OPA1: variants seen among roughly 807,000 people sequenced by gnomAD.
OPA1 encodes the protein dynamin-like GTPase OPA1, mitochondrial.
In OPA1, 59 loss-of-function variants were observed where a neutral mutation model predicts 152.9. The observed-to-expected ratio is 0.39, with a 90% confidence interval of 0.31 to 0.48. The LOEUF is 0.48. Ranked by LOEUF, OPA1 falls within the 20% of genes least tolerant of loss-of-function variation. The probability of loss-of-function intolerance (pLI) is 0.96; values close to 1 mark genes in which losing one functional copy is unlikely to be tolerated. For missense variants in OPA1, 1,008 were observed against 1,216.8 expected, an observed-to-expected ratio of 0.83 and a Z score of 2.55; for synonymous variants, 400 against 389.9, an observed-to-expected ratio of 1.03 and a Z score of -0.31.
chr3:193,659,396 ATAGT>A, intron 24 of OPA1, 82 bp from the exon 25 acceptor site: 1 of 1,189,276 alleles, frequency 8.4e-7, no homozygotes, highest in Non-Finnish European at 1.2e-6. Flanking sequence ...GCACTTTGAA[ATAGT>A]TAAGAAAGCA....
intron 26 of OPA1, among the ~76,000 whole-genome samples, chr3:193,663,734 G>A (rs1250851673): frequency 1.3e-5 from 2 of 151,830 alleles, no homozygotes; most frequent in South Asian, 2.1e-4. Flanking sequence ...TGTACTTGAG[G>A]GATGAGTATA....
intron 29 of OPA1, among the ~76,000 whole-genome samples, chr3:193,683,723 C>G (rs572020221): frequency 6.6e-6 from 1 of 152,282 alleles, no homozygotes; most frequent in African/African-American, 2.4e-5. Flanking sequence ...CTCAGGTGAT[C>G]CTTAGCATTT....
chr3:193,678,521 C>A (rs965815627), intron 29 of OPA1, among the ~76,000 whole-genome samples: 2 of 152,138 alleles, frequency 1.3e-5, no homozygotes, highest in African/African-American at 4.8e-5. Context: ...GCTTCTTATA[C>A]CCACAGCTCG....
At chr3:193,673,472 A>T (rs1348841075) in intron 29 of OPA1, among the ~76,000 whole-genome samples, 1 of 152,238 alleles carries the variant, frequency 6.6e-6, no homozygotes, top group East Asian at 1.9e-4. Flanking sequence ...TATGAATTGT[A>T]AACATGTCTC....
rs76588359 is a variant in OPA1, at chr3:193,630,050, G to C, written c.790-1562G>C. 1.2e-3 allele frequency among the ~76,000 whole-genome samples: 179 copies of C among 152,206 alleles called. 4 individuals carry two copies. The East Asian group carries it at 0.027, about 23-fold the overall frequency. ...TTAAATCCACATAACAATTTTTTAT[G>C]ACCACACTATTACAGTGTGATGGCA... On this transcript the variant is annotated intron_variant, in intron 7 of 30. Coordinates refer to ENST00000361510, the MANE Select transcript of OPA1 (RefSeq NM_130837.3).
At chr3:193,682,534 T>G (rs1720318295) in intron 29 of OPA1, among the ~76,000 whole-genome samples, 1 of 152,140 alleles carries the variant, frequency 6.6e-6, no homozygotes, top group Non-Finnish European at 1.5e-5. Flanking sequence ...GCTTCGAGGC[T>G]TCGAAAGAGA....
chr3:193,647,072 A>C lies in OPA1; in HGVS notation c.1762A>C (p.Met588Leu). Residue 588 changes from methionine (M) to leucine (L), a missense_variant, in exon 19 of 31, where the codon ATG becomes CTG. Around this residue, in one of 7 missense-constraint regions of OPA1, gnomAD observed 213 missense variants for 291.4 expected, o/e 0.73. Coordinates refer to ENST00000361510, the MANE Select transcript of OPA1 (RefSeq NM_130837.3). Reference sequence around the variant, plus strand: ...GTTATTTTTTTTTAATAGGACAAGCATGCTAAAGGCACACCAAGTGACTAC... The same window carrying C: ...GTTATTTTTTTTTAATAGGACAAGCCTGCTAAAGGCACACCAAGTGACTAC... ...FQNSKLLKTS[M>L]LKAHQVTTRN... is the part of the protein sequence containing the mutation. 3.1e-6 allele frequency: 5 copies of C among 1,608,012 alleles called. No homozygotes were observed. The highest frequency in any genetic ancestry group is 3.4e-6 in the Non-Finnish European group (4 of 1,175,956).
At chr3:193,614,111 G>A (rs369820517) in intron 1 of OPA1, 73 of 369,602 alleles carry the variant, frequency 2.0e-4, no homozygotes, top group African/African-American at 1.0e-3. Flanking sequence ...GTTCCCTTTC[G>A]AGCTTTTTTG....
At chr3:193,635,062 G>A (rs1732731232) in intron 8 of OPA1, among the ~76,000 whole-genome samples, 1 of 152,172 alleles carries the variant, frequency 6.6e-6, no homozygotes, top group African/African-American at 2.4e-5. Flanking sequence ...CCTGTAATGT[G>A]AAGACTTAAA....
Position 193,659,580 on chromosome 3 carries a change from C to T in OPA1, c.2520+19C>T, listed in dbSNP as rs1714733939. 1.9e-6 allele frequency: 3 copies of T among 1,588,284 alleles called. No individual in the cohort carries two copies. The highest frequency in any genetic ancestry group is 1.7e-5 in the Admixed American group (1 of 59,426). On this transcript the variant is annotated intron_variant, in intron 25 of 30. Coordinates refer to ENST00000361510, the MANE Select transcript of OPA1 (RefSeq NM_130837.3). Reference sequence around the variant, plus strand: ...AGAACAGGTAGAAATAAACAAGTCTCTAGTCTTATGATGATATAATTTTGT... The same window carrying T: ...AGAACAGGTAGAAATAAACAAGTCTTTAGTCTTATGATGATATAATTTTGT...
intron 29 of OPA1, among the ~76,000 whole-genome samples, chr3:193,685,885 A>G (rs1013021487): frequency 6.6e-6 from 1 of 152,236 alleles, no homozygotes; most frequent in Non-Finnish European, 1.5e-5. Context: ...CATTTTATAG[A>G]TAAAGCTAGG....
chr3:193,686,207 A>T (rs1044003155), intron 29 of OPA1, among the ~76,000 whole-genome samples: 2 of 152,178 alleles, frequency 1.3e-5, no homozygotes, highest in Non-Finnish European at 2.9e-5. Flanking sequence ...AGGAGAGGGG[A>T]TGGGTTTCTT....
At position 193,694,652 on chromosome 3, in the gene OPA1, T is replaced by TCAA. The variant is rs1722094854; in HGVS notation, c.*54_*56dup. On this transcript the variant is annotated 3_prime_UTR_variant, in exon 31 of 31. Coordinates refer to ENST00000361510, the MANE Select transcript of OPA1 (RefSeq NM_130837.3). The stretch of plus-strand genomic sequence containing the variant: ...TGCATACATCTGAAGAACAAAAACA[T>TCAA]CAACGTCTTTTGTCCAGCCTCTTTT... 2.6e-5 allele frequency: 4 copies of TCAA among 152,210 alleles called. No homozygotes were observed. 9.4% of individuals were successfully genotyped at this position (152,210 alleles called of 1,614,324 possible).
chr3:193,619,010 T>C, intron 6 of OPA1, 74 bp downstream of exon 6: 2 of 1,175,846 alleles, frequency 1.7e-6, no homozygotes, highest in South Asian at 2.4e-5. Context: ...TTTGGAAGAT[T>C]TTAAAATGAT....
At chr3:193,619,298 T>C (rs147368683) in intron 6 of OPA1, among the ~76,000 whole-genome samples, 79 of 152,320 alleles carry the variant, frequency 5.2e-4, no homozygotes, top group African/African-American at 1.8e-3. Context: ...GCATTGTGAA[T>C]TTCCAAGGAG....
At chr3:193,631,565 C>G (rs1343030642) in intron 7 of OPA1, 47 bp from the exon 8 acceptor site, 1 of 1,404,638 alleles carries the variant, frequency 7.1e-7, no homozygotes, top group Non-Finnish European at 1.0e-6. Flanking sequence ...GCTGTACATT[C>G]TGTATAAACC....
chr3:193,648,024 G>A (rs1298207148), intron 19 of OPA1, 46 bp from the exon 20 acceptor site: 1 of 1,381,102 alleles, frequency 7.2e-7, no homozygotes, highest in East Asian at 2.3e-5. Context: ...CACTACATCT[G>A]GAAAGAAGGA....
intron 1 of OPA1, among the ~76,000 whole-genome samples, chr3:193,611,717 A>G (rs774502640): frequency 6.6e-6 from 1 of 151,606 alleles, no homozygotes; most frequent in Non-Finnish European, 1.5e-5. Context: ...GAGTCCATTT[A>G]TAAGTAAAGC....
intron 7 of OPA1, among the ~76,000 whole-genome samples, chr3:193,629,402 T>A (rs1002065421): frequency 1.2e-4 from 18 of 152,032 alleles, no homozygotes; most frequent in Non-Finnish European, 2.9e-5. Flanking sequence ...ATCTAGCATA[T>A]AAATTATATT....
Sources: allele counts gnomAD v4.1 joint callset (sites outside exome capture counted in the v4.1 genomes callset), GRCh38; gene constraint gnomAD v4.1.1; regional missense constraint gnomAD v4.1.1; transcripts MANE v1.5; gene names NCBI Gene and HGNC (gene_info 2026-07-23, HGNC 2026-07-21).